MCPH1: variants seen among roughly 807,000 people sequenced by gnomAD.
MCPH1 encodes microcephalin 1.
Under a neutral mutation model 84.5 loss-of-function variants are expected in MCPH1, and 104 were observed. The ratio of observed to expected loss-of-function variants is 1.23; its 90% CI spans 1.05 to 1.45. MCPH1 has a LOEUF of 1.45. Ranked by LOEUF, MCPH1 falls within the 40% of genes most tolerant of loss-of-function variation. The pLI, the probability that MCPH1 is intolerant of heterozygous loss-of-function variation, is 0.00. For missense variants in MCPH1, 1,498 were observed against 1,005.7 expected, an observed-to-expected ratio of 1.49 and a Z score of -6.62; for synonymous variants, 514 against 366.8, an observed-to-expected ratio of 1.40 and a Z score of -4.58.
chr8:6,564,821 T>G (rs531575287), intron 12 of MCPH1, among the ~76,000 whole-genome samples: 1 of 152,348 alleles, frequency 6.6e-6, no homozygotes, highest in South Asian at 2.1e-4. Context: ...GAACTACATT[T>G]TTATTAAACC....
chr8:6,446,644 C>T, intron 8 of MCPH1: 1 of 981,634 alleles, frequency 1.0e-6, no homozygotes, highest in Non-Finnish European at 1.2e-6. Flanking sequence ...TAATATAAAA[C>T]AATAGATGTG....
intron 12 of MCPH1, among the ~76,000 whole-genome samples, chr8:6,565,383 A>T (rs1826069063): frequency 6.6e-6 from 1 of 152,214 alleles, no homozygotes; most frequent in Non-Finnish European, 1.5e-5. Context: ...TTGAAAAAGC[A>T]TATTGTAAGG....
At chr8:6,513,669 C>T in intron 12 of MCPH1, 3 of 1,599,334 alleles carry the variant, frequency 1.9e-6, no homozygotes, top group Non-Finnish European at 2.6e-6. Flanking sequence ...TTACCATGAA[C>T]TCACTTACCT....
chr8:6,414,542 A>C (rs889755592), intron 2 of MCPH1, among the ~76,000 whole-genome samples: 1 of 152,166 alleles, frequency 6.6e-6, no homozygotes, highest in Non-Finnish European at 1.5e-5. Flanking sequence ...TTCTTTCAGT[A>C]ACACTTCAGA....
intron 3 of MCPH1, among the ~76,000 whole-genome samples, chr8:6,423,254 A>G (rs569664177): frequency 2.8e-5 from 4 of 141,036 alleles, no homozygotes; most frequent in African/African-American, 5.3e-5. Context: ...CAGTGGTGCA[A>G]TCTTGGCTCA....
intron 9 of MCPH1, among the ~76,000 whole-genome samples, chr8:6,469,812 T>C (rs1375554728): frequency 6.6e-6 from 1 of 152,224 alleles, no homozygotes; most frequent in Non-Finnish European, 1.5e-5. Context: ...CAAATAATCA[T>C]GCATTCAATA....
At chr8:6,505,006 A>G (rs1812999856) in intron 12 of MCPH1, among the ~76,000 whole-genome samples, 1 of 151,728 alleles carries the variant, frequency 6.6e-6, no homozygotes, top group Admixed American at 6.6e-5. Flanking sequence ...TCCTTATATT[A>G]ATTTTTAAAA....
intron 11 of MCPH1, among the ~76,000 whole-genome samples, chr8:6,489,114 A>C (rs997020800): frequency 2.0e-5 from 3 of 152,202 alleles, no homozygotes; most frequent in Non-Finnish European, 4.4e-5. Flanking sequence ...TGATGTAGGC[A>C]TATTAGGTCT....
At chr8:6,596,701 C>T (rs1031838205) in intron 12 of MCPH1, among the ~76,000 whole-genome samples, 9 of 152,114 alleles carry the variant, frequency 5.9e-5, no homozygotes, top group Non-Finnish European at 1.2e-4. Context: ...TGCCGGAGAC[C>T]AGCACAGATC....
chr8:6,638,438 C>T (rs193093674), intron 13 of MCPH1, among the ~76,000 whole-genome samples: 88 of 152,224 alleles, frequency 5.8e-4, no homozygotes, highest in African/African-American at 2.0e-3. Context: ...AAGTGACTTG[C>T]CCACCATACT....
At chr8:6,423,820 A>G (rs1477233749) in intron 3 of MCPH1, among the ~76,000 whole-genome samples, 5 of 152,216 alleles carry the variant, frequency 3.3e-5, no homozygotes. Context: ...ATTATCAAAA[A>G]AATGCATGTT....
Position 6,513,793 on chromosome 8 carries a change from G to T in MCPH1, c.2214+13864G>T, listed in dbSNP as rs757679009. ...ACATAGCGTTGCTGATTAGTCAGTT[G>T]CGAAACAAACTCATTTCCCAGCCAA... On this transcript the variant is annotated intron_variant, in intron 12 of 13. Coordinates refer to ENST00000344683, the MANE Select transcript of MCPH1 (RefSeq NM_024596.5). 6.2e-6 allele frequency: 10 copies of T among 1,613,916 alleles called. No individual in the cohort carries two copies. In the Admixed American group the frequency reaches 1.7e-4, roughly 27 times the overall value.
At chr8:6,621,893 C>T (rs565348392) in intron 13 of MCPH1, among the ~76,000 whole-genome samples, 3 of 152,178 alleles carry the variant, frequency 2.0e-5, no homozygotes, top group East Asian at 3.9e-4. Context: ...GTACAGTTCA[C>T]GAGGAAATGG....
chr8:6,436,212 T>C (rs762619649), intron 5 of MCPH1, 50 bp downstream of exon 5: 1 of 1,582,002 alleles, frequency 6.3e-7, no homozygotes, highest in Non-Finnish European at 8.6e-7. Context: ...CCATACACCT[T>C]GTTTAATTTG....
intron 12 of MCPH1, among the ~76,000 whole-genome samples, chr8:6,606,806 C>T (rs760367426): frequency 6.6e-6 from 1 of 152,114 alleles, no homozygotes; most frequent in Non-Finnish European, 1.5e-5. Context: ...ATGCTGTTCT[C>T]GTGATAGTGA....
intron 12 of MCPH1, among the ~76,000 whole-genome samples, chr8:6,566,918 TG>T (rs1455862898): frequency 2.7e-5 from 4 of 149,130 alleles, no homozygotes; most frequent in Admixed American, 6.6e-5. Flanking sequence ...GGCAAGGCCA[TG>T]GATAGTGCAC....
At chr8:6,522,868 A>C (rs73199048) in intron 12 of MCPH1, among the ~76,000 whole-genome samples, 11,245 of 152,130 alleles carry the variant, frequency 0.074, 499 homozygotes, top group African/African-American at 0.12. Context: ...ACAATCCCAG[A>C]ACTTTCTGAC....
chr8:6,415,864 G>A (rs1414639870), intron 3 of MCPH1, among the ~76,000 whole-genome samples: 1 of 152,080 alleles, frequency 6.6e-6, no homozygotes, highest in Non-Finnish European at 1.5e-5. Flanking sequence ...AAGGCAGCTG[G>A]GATTTGGTAG....
At chr8:6,632,283 C>A (rs758920344) in intron 13 of MCPH1, among the ~76,000 whole-genome samples, 1 of 152,074 alleles carries the variant, frequency 6.6e-6, no homozygotes, top group Non-Finnish European at 1.5e-5. Flanking sequence ...CACAGCATTG[C>A]GAATGTACTT....
Sources: allele counts gnomAD v4.1 joint callset (sites outside exome capture counted in the v4.1 genomes callset), GRCh38; gene constraint gnomAD v4.1.1; transcripts MANE v1.5; gene names NCBI Gene and HGNC (gene_info 2026-07-23, HGNC 2026-07-21).